Variants in GPC6 observed in about 807,000 individuals in gnomAD.
The protein encoded by GPC6 is glypican-6.
GPC6 carries 14 observed loss-of-function variants against 55.2 expected under a neutral mutation model. That is an observed-to-expected ratio of 0.25 (90% CI 0.17 to 0.40). The LOEUF (loss-of-function observed/expected upper bound fraction) is 0.40. Among genes scored for constraint, GPC6 ranks in the 10% least tolerant of loss-of-function variants. The probability of loss-of-function intolerance (pLI) is 1.00; values close to 1 mark genes in which losing one functional copy is unlikely to be tolerated. For synonymous variants in GPC6, 278 were observed against 259.6 expected (o/e 1.07, Z -0.68); for missense variants, 641 against 708.5 (o/e 0.90, Z 1.08).
intron 6 of GPC6, among the ~76,000 whole-genome samples, chr13:94,376,892 G>A (rs1879887998): frequency 6.6e-6 from 1 of 151,736 alleles, no homozygotes; most frequent in Non-Finnish European, 1.5e-5. Context: ...CAGAAATAAC[G>A]CAGCATATCT....
intron 3 of GPC6, among the ~76,000 whole-genome samples, chr13:94,001,525 T>C (rs901085115): frequency 6.6e-6 from 1 of 152,170 alleles, no homozygotes; most frequent in African/African-American, 2.4e-5. Flanking sequence ...TTATTGATAT[T>C]GTGCATAGAA....
intron 2 of GPC6, among the ~76,000 whole-genome samples, chr13:93,781,435 C>T (rs1158089129): frequency 1.3e-5 from 2 of 151,906 alleles, no homozygotes; most frequent in African/African-American, 4.8e-5. Context: ...AGCAAGATGC[C>T]CAAGTTAAGG....
At chr13:94,122,781 A>G (rs187247024) in intron 4 of GPC6, among the ~76,000 whole-genome samples, 3 of 152,112 alleles carry the variant, frequency 2.0e-5, no homozygotes, top group East Asian at 3.9e-4. Context: ...TAAAGCTTCA[A>G]CATTATATGA....
In GPC6 at chr13:94,067,620, T is replaced by TAGAC. The variant is rs1555292462; in HGVS notation, c.877+39742_877+39745dup. On this transcript the variant is annotated intron_variant, in intron 4 of 8. Coordinates refer to ENST00000377047, the MANE Select transcript of GPC6 (RefSeq NM_005708.5). ...ATAGATAGATAGATAGATAGATAGATAGACAGACAGACAGACAGATAGACA... is the reference window on the plus strand; with the variant it reads ...ATAGATAGATAGATAGATAGATAGATAGACAGACAGACAGACAGACAGATAGACA... 7.0e-3 allele frequency among the ~76,000 whole-genome samples: 843 copies of TAGAC among 120,982 alleles called. 4 individuals carry two copies. The highest frequency in any genetic ancestry group is 0.035 in the South Asian group (139 of 3,994). 79.4% of individuals were successfully genotyped at this position (120,982 alleles called of 152,430 possible).
intron 4 of GPC6, among the ~76,000 whole-genome samples, chr13:94,132,293 G>A (rs1184602271): frequency 6.6e-6 from 1 of 152,124 alleles, no homozygotes; most frequent in East Asian, 1.9e-4. Context: ...ATATTTCCCT[G>A]AAGCTATTTC....
rs576955004 is a variant in GPC6 at position 93,437,407 on chromosome 13, G to A, written c.161-107856G>A. ...CCTCTTGCGCCAAACAGTTAGCTAA[G>A]TTGTGAATGCAAAGGAAAAGTTTTT... On this transcript the variant is annotated intron_variant, in intron 1 of 8. Coordinates refer to ENST00000377047, the MANE Select transcript of GPC6 (RefSeq NM_005708.5). Among the ~76,000 whole-genome samples, 11 of 152,310 alleles carry A rather than the reference G, an allele frequency of 7.2e-5. No individual in the cohort carries two copies. The South Asian group carries it at 1.2e-3, about 17-fold the overall frequency.
At chr13:93,946,081 G>A (rs983408905) in intron 3 of GPC6, among the ~76,000 whole-genome samples, 1 of 152,216 alleles carries the variant, frequency 6.6e-6, no homozygotes, top group East Asian at 1.9e-4. Flanking sequence ...AAGTCTTGTA[G>A]CATTTGCCGA....
At chr13:93,353,845 A>C (rs1880725680) in intron 1 of GPC6, among the ~76,000 whole-genome samples, 1 of 152,150 alleles carries the variant, frequency 6.6e-6, no homozygotes, top group South Asian at 2.1e-4. Flanking sequence ...CACCATTTTC[A>C]CTTTCCCTGC....
At chr13:94,173,023 T>C (rs1404191051) in intron 4 of GPC6, among the ~76,000 whole-genome samples, 1 of 152,168 alleles carries the variant, frequency 6.6e-6, no homozygotes, top group Non-Finnish European at 1.5e-5. Context: ...AACAATGAGA[T>C]GTGTTGACTA....
chr13:93,633,411 C>T (rs568291369), intron 2 of GPC6, among the ~76,000 whole-genome samples: 10 of 152,052 alleles, frequency 6.6e-5, no homozygotes, highest in South Asian at 2.1e-4. Flanking sequence ...TTTGGGAGGC[C>T]GAGGCAGGTG....
At chr13:94,132,674 AT>A (rs1313224173) in intron 4 of GPC6, among the ~76,000 whole-genome samples, 1 of 152,152 alleles carries the variant, frequency 6.6e-6, no homozygotes, top group Admixed American at 6.5e-5. Flanking sequence ...CTAGAGCATT[AT>A]CTCCAAGAAG....
chr13:94,093,586 C>T (rs757021526), intron 4 of GPC6, among the ~76,000 whole-genome samples: 2 of 151,910 alleles, frequency 1.3e-5, no homozygotes, highest in African/African-American at 2.4e-5. Context: ...TATAGTGAGT[C>T]TTTTGTGTTT....
intron 4 of GPC6, among the ~76,000 whole-genome samples, chr13:94,103,080 C>T (rs1407728813): frequency 6.6e-6 from 1 of 152,096 alleles, no homozygotes; most frequent in African/African-American, 2.4e-5. Flanking sequence ...TGTTCCCCTC[C>T]CTGTGTCTAA....
chr13:94,338,090 G>A (rs188672007), intron 6 of GPC6, among the ~76,000 whole-genome samples: 8 of 152,306 alleles, frequency 5.3e-5, no homozygotes, highest in Non-Finnish European at 8.8e-5. Flanking sequence ...TTGTGATTGA[G>A]GTTCTTCCTT....
chr13:94,178,274 G>A (rs1181076113), intron 4 of GPC6, among the ~76,000 whole-genome samples: 1 of 152,126 alleles, frequency 6.6e-6, no homozygotes, highest in Admixed American at 6.5e-5. Context: ...TGGGATTACA[G>A]GCATGAGCCA....
intron 4 of GPC6, among the ~76,000 whole-genome samples, chr13:94,037,671 C>A (rs1182354932): frequency 3.3e-5 from 5 of 151,914 alleles, no homozygotes; most frequent in Admixed American, 1.3e-4. Flanking sequence ...CAAGGTCATA[C>A]AACTTGTAAG....
intron 3 of GPC6, among the ~76,000 whole-genome samples, chr13:94,024,238 A>G (rs1158303983): frequency 6.6e-6 from 1 of 152,144 alleles, no homozygotes; most frequent in African/African-American, 2.4e-5. Flanking sequence ...CAACAGCTAT[A>G]TAAGATGTCA....
At chr13:94,196,874 A>G (rs1207352653) in intron 4 of GPC6, among the ~76,000 whole-genome samples, 1 of 152,202 alleles carries the variant, frequency 6.6e-6, no homozygotes, top group Non-Finnish European at 1.5e-5. Context: ...AAATATTTTT[A>G]AAAGAGACAC....
chr13:93,935,014 C>A (rs151337395), intron 3 of GPC6, among the ~76,000 whole-genome samples: 1 of 152,172 alleles, frequency 6.6e-6, no homozygotes, highest in Non-Finnish European at 1.5e-5. Flanking sequence ...AATATTCCAA[C>A]ATATGGACAT....
Sources: allele counts gnomAD v4.1 joint callset (sites outside exome capture counted in the v4.1 genomes callset), GRCh38; gene constraint gnomAD v4.1.1; transcripts MANE v1.5; gene names NCBI Gene and HGNC (gene_info 2026-07-23, HGNC 2026-07-21).